The following FBXL17 variants were observed in gnomAD, a reference collection of about 807,000 sequenced individuals.
FBXL17 encodes the protein F-box/LRR-repeat protein 17.
In FBXL17, 22 loss-of-function variants were observed where a neutral mutation model predicts 66.2. The observed-to-expected ratio is 0.33, with a 90% CI of 0.24 to 0.47. The LOEUF is 0.47. Among genes scored for constraint, FBXL17 ranks in the 20% least tolerant of loss-of-function variants. The pLI is 1.00. For synonymous variants in FBXL17, 474 were observed against 400.5 expected (o/e 1.18, Z -2.19); for missense variants, 878 against 948.2 (o/e 0.93, Z 0.97).
intron 6 of FBXL17, among the ~76,000 whole-genome samples, chr5:108,091,162 T>C (rs930594928): frequency 3.9e-5 from 6 of 152,238 alleles, no homozygotes; most frequent in Non-Finnish European, 7.3e-5. Context: ...AAAATTCTTC[T>C]CTACAATATG....
intron 7 of FBXL17, among the ~76,000 whole-genome samples, chr5:107,914,915 C>T (rs933499527): frequency 3.9e-5 from 6 of 152,176 alleles, no homozygotes; most frequent in Admixed American, 3.9e-4. Context: ...AACCTCCCTT[C>T]TTTGTTTAAA....
chr5:107,888,740 T>C (rs1337669128), intron 7 of FBXL17, among the ~76,000 whole-genome samples: 1 of 152,236 alleles, frequency 6.6e-6, no homozygotes, highest in Non-Finnish European at 1.5e-5. Flanking sequence ...ATTCTGCTGA[T>C]GGACATCTGG....
At chr5:108,345,479 T>C (rs773932982) in intron 4 of FBXL17, among the ~76,000 whole-genome samples, 12 of 151,610 alleles carry the variant, frequency 7.9e-5, no homozygotes, top group Non-Finnish European at 1.8e-4. Flanking sequence ...TCCTTCCCCT[T>C]TTCTAAAGTT....
chr5:108,134,265 T>C (rs114937399), intron 6 of FBXL17, among the ~76,000 whole-genome samples: 1,665 of 152,178 alleles, frequency 0.011, 42 homozygotes, highest in African/African-American at 0.038. Flanking sequence ...CATATGAACA[T>C]ATATGGAGTT....
chr5:107,999,853 C>T (rs1753645925), intron 7 of FBXL17, among the ~76,000 whole-genome samples: 1 of 152,156 alleles, frequency 6.6e-6, no homozygotes, highest in Non-Finnish European at 1.5e-5. Context: ...ATCTATTCAA[C>T]AGTCTGAAGT....
intron 7 of FBXL17, among the ~76,000 whole-genome samples, chr5:107,951,118 G>A (rs577158293): frequency 2.2e-4 from 33 of 152,166 alleles, no homozygotes; most frequent in Admixed American, 1.3e-3. Flanking sequence ...GGCTAGGCAG[G>A]AGGTCACAGG....
intron 4 of FBXL17, among the ~76,000 whole-genome samples, chr5:108,321,789 GA>G (rs910693919): frequency 1.3e-5 from 2 of 150,196 alleles, no homozygotes; most frequent in African/African-American, 4.9e-5. Context: ...TGACAAACAA[GA>G]AAAAAAATTA....
intron 4 of FBXL17, among the ~76,000 whole-genome samples, chr5:108,284,797 C>T (rs915763291): frequency 1.3e-5 from 2 of 151,850 alleles, no homozygotes; most frequent in African/African-American, 4.8e-5. Flanking sequence ...ATGTTGATGG[C>T]TACTGATTGA....
At chr5:108,249,615 TAAGAAA>T (rs1756258435) in intron 4 of FBXL17, among the ~76,000 whole-genome samples, 1 of 152,122 alleles carries the variant, frequency 6.6e-6, no homozygotes. Flanking sequence ...GCCTACACTG[TAAGAAA>T]AAGAAAAAGG....
intron 7 of FBXL17, among the ~76,000 whole-genome samples, chr5:108,007,050 G>A (rs895496905): frequency 6.6e-6 from 1 of 152,108 alleles, no homozygotes; most frequent in East Asian, 1.9e-4. Context: ...TGCAGGGAAC[G>A]CTCTTTTTGC....
chr5:108,002,182 A>ATTTTTTTTTTTTTTTTTTTTTTTT (rs765399250), intron 7 of FBXL17, among the ~76,000 whole-genome samples: 1 of 109,454 alleles, frequency 9.1e-6, no homozygotes, highest in African/African-American at 4.5e-5. Flanking sequence ...CACCCAGCTA[A>ATTTTTTTTTTTTTTTTTTTTTTTT]TTTTTTTTTT....
intron 5 of FBXL17, among the ~76,000 whole-genome samples, chr5:108,210,997 TA>T (rs1754345726): frequency 6.6e-6 from 1 of 152,214 alleles, no homozygotes; most frequent in African/African-American, 2.4e-5. Context: ...GGTGCTCCTG[TA>T]TTGGGTGCAT....
rs776880707 is a variant in FBXL17 at position 108,283,562 on chromosome 5, C to T, written c.1507-59334G>A. On this transcript the variant is annotated intron_variant, in intron 4 of 8. Coordinates refer to ENST00000542267, the MANE Select transcript of FBXL17 (RefSeq NM_001163315.3). ...TGGATTAAAGACTTAAATATAGGAA[C>T]CAAAGTTATAAAAATACTAGAAGAA... 3.8e-4 allele frequency among the ~76,000 whole-genome samples: 58 copies of T among 151,902 alleles called. 1 individual carries two copies. Among genetic ancestry groups the T allele is most frequent in the Non-Finnish European group, 6.6e-4 (45 of 67,834 alleles).
Position 107,860,370 on chromosome 5 carries a change from G to A in FBXL17, c.*1350C>T, listed in dbSNP as rs1452044422. ...AGATAATCACTCTTTAGCTTAAAAA[G>A]GCTCCCTGATGTCCTCATTATAAAT... is the stretch of plus-strand genomic sequence containing the variant. On this transcript the variant is annotated 3_prime_UTR_variant, in exon 9 of 9. Coordinates refer to ENST00000542267, the MANE Select transcript of FBXL17 (RefSeq NM_001163315.3). 17 of 152,538 alleles carry A rather than the reference G, an allele frequency of 1.1e-4. No homozygotes were observed. Among genetic ancestry groups the A allele is most frequent in the Admixed American group, 1.1e-3 (17 of 15,268 alleles). 9.4% of individuals were successfully genotyped at this position (152,538 alleles called of 1,614,324 possible).
chr5:108,163,694 T>G (rs1203958118), intron 6 of FBXL17, among the ~76,000 whole-genome samples: 1 of 152,106 alleles, frequency 6.6e-6, no homozygotes, highest in Non-Finnish European at 1.5e-5. Flanking sequence ...AGCCACTGCT[T>G]CTGGCCTTAA....
intron 3 of FBXL17, among the ~76,000 whole-genome samples, chr5:108,357,760 C>A (rs1439742925): frequency 6.6e-6 from 1 of 151,438 alleles, no homozygotes; most frequent in Non-Finnish European, 1.5e-5. Context: ...CTAGGGTACA[C>A]GTGTACAACG....
At chr5:108,120,797 A>G (rs867979473) in intron 6 of FBXL17, among the ~76,000 whole-genome samples, 3 of 152,006 alleles carry the variant, frequency 2.0e-5, no homozygotes, top group South Asian at 2.1e-4. Context: ...GCAGAGCAAG[A>G]CTCTGTCTCT....
intron 7 of FBXL17, among the ~76,000 whole-genome samples, chr5:107,948,266 C>T (rs988468012): frequency 6.6e-6 from 1 of 152,076 alleles, no homozygotes; most frequent in African/African-American, 2.4e-5. Context: ...GAGTATTTAC[C>T]TATCATAACC....
intron 6 of FBXL17, among the ~76,000 whole-genome samples, chr5:108,163,399 C>CTTTTTTTTTTTTTTT (rs764052812): frequency 7.7e-6 from 1 of 129,540 alleles, no homozygotes; most frequent in Non-Finnish European, 1.6e-5. Flanking sequence ...TTTTTTTTTT[C>CTTTTTTTTTTTTTTT]TTTTTTTTTT....
Sources: gnomAD v4.1 joint callset for allele counts (sites outside exome capture counted in the v4.1 genomes callset) on GRCh38, gnomAD v4.1.1 for gene constraint, MANE v1.5 for transcripts, NCBI Gene and HGNC (gene_info 2026-07-23, HGNC 2026-07-21) for gene names.